The following ELMOD1 variants were observed in gnomAD, a reference collection of about 807,000 sequenced individuals.
The protein encoded by ELMOD1 is ELMO domain-containing protein 1.
A neutral mutation model predicts 46.7 loss-of-function variants in ELMOD1; 21 were observed. That is an observed-to-expected ratio of 0.45 (90% CI 0.32 to 0.65). ELMOD1 has a LOEUF of 0.65. Ranked by LOEUF, ELMOD1 falls within the 30% of genes least tolerant of loss-of-function variation. The pLI is 0.04. For synonymous variants in ELMOD1, 122 were observed against 138.2 expected, an observed-to-expected ratio of 0.88 and a Z score of 0.82; for missense variants, 348 against 407.8, an observed-to-expected ratio of 0.85 and a Z score of 1.26.
intron 2 of ELMOD1, among the ~76,000 whole-genome samples, chr11:107,628,132 A>T (rs1866073919): frequency 6.6e-6 from 1 of 151,864 alleles, no homozygotes; most frequent in South Asian, 2.1e-4. Context: ...AAAATGAAAA[A>T]CATTTTCCAA....
chr11:107,665,364 C>G lies in ELMOD1; in HGVS notation c.*167C>G. The G allele has an allele frequency of 1.5e-6, 1 of 684,584 alleles. No homozygotes were observed. The highest frequency in any genetic ancestry group is 2.4e-6 in the Non-Finnish European group (1 of 415,350). The allele number at this position is 684,584 out of a possible 1,614,324, so 42.4% of individuals were successfully genotyped here. A position where few individuals can be genotyped will look rare whatever the true frequency, so the allele number is the denominator to read the frequency against. On this transcript the variant is annotated 3_prime_UTR_variant, in exon 12 of 12. Coordinates refer to ENST00000265840, the MANE Select transcript of ELMOD1 (RefSeq NM_018712.4). ...ATAATTCCGAGATCCCCAGAGACCA[C>G]TGTTTCTGGAGTATCTGTCATCCAG...
At chr11:107,612,222 A>G (rs1865792530) in intron 1 of ELMOD1, among the ~76,000 whole-genome samples, 1 of 152,188 alleles carries the variant, frequency 6.6e-6, no homozygotes, top group Non-Finnish European at 1.5e-5. Context: ...CAACATGGAT[A>G]CAGCTGGATG....
intron 9 of ELMOD1, among the ~76,000 whole-genome samples, chr11:107,652,332 A>G (rs1217001612): frequency 6.6e-6 from 1 of 152,210 alleles, no homozygotes; most frequent in Non-Finnish European, 1.5e-5. Flanking sequence ...GTAAACATCC[A>G]TTGGTTGAGT....
intron 2 of ELMOD1, among the ~76,000 whole-genome samples, chr11:107,629,641 G>A (rs188437630): frequency 1.3e-5 from 2 of 152,262 alleles, no homozygotes; most frequent in East Asian, 1.9e-4. Flanking sequence ...CATTTGTTGC[G>A]GTATTGCTGG....
intron 1 of ELMOD1, among the ~76,000 whole-genome samples, chr11:107,613,398 G>A (rs1865811448): frequency 6.6e-6 from 1 of 152,144 alleles, no homozygotes; most frequent in African/African-American, 2.4e-5. Flanking sequence ...GCTAGTGGTA[G>A]ATCCTAGACA....
chr11:107,604,287 G>A (rs992990452), intron 1 of ELMOD1, among the ~76,000 whole-genome samples: 2 of 152,164 alleles, frequency 1.3e-5, no homozygotes, highest in Non-Finnish European at 2.9e-5. Flanking sequence ...AAGAGTGTTG[G>A]GAGGCTCTTC....
chr11:107,649,556 A>G (rs1866489916), intron 7 of ELMOD1, among the ~76,000 whole-genome samples: 1 of 152,202 alleles, frequency 6.6e-6, no homozygotes, highest in East Asian at 1.9e-4. Flanking sequence ...TAAAAGAGGA[A>G]ACCCAGATAA....
At position 107,654,238 on chromosome 11, in the gene ELMOD1, C is replaced by T. The variant is rs1464477686; in HGVS notation, c.698+16C>T. ...AGGCAATTGGGTGAGTATGGGATCT[C>T]ACATGGAAAGATGGTCCGTCTGAAA... On this transcript the variant is annotated intron_variant, in intron 10 of 11. Transcript: ENST00000265840. The T allele has an allele frequency of 1.9e-6, 3 of 1,583,936 alleles. No homozygotes were observed. The highest frequency in any genetic ancestry group is 1.8e-5 in the Admixed American group (1 of 55,704).
intron 1 of ELMOD1, among the ~76,000 whole-genome samples, chr11:107,611,501 C>G (rs1164464061): frequency 6.6e-6 from 1 of 151,930 alleles, no homozygotes; most frequent in African/African-American, 2.4e-5. Flanking sequence ...GAGATCGAGA[C>G]CATCCTGGCT....
chr11:107,650,511 G>A lies in ELMOD1; in HGVS notation c.623+108G>A, dbSNP rs1591133978. 4.7e-6 allele frequency: 4 copies of A among 852,540 alleles called. No homozygotes were observed. The East Asian group carries it at 1.1e-4, about 23-fold the overall frequency. The allele number at this position is 852,540 out of a possible 1,614,324, so 52.8% of individuals were successfully genotyped here. A position where few individuals can be genotyped will look rare whatever the true frequency, so the allele number is the denominator to read the frequency against. ...GATTCTCAGGAGAGTGAGGCTCAAA[G>A]CTTTTTCAAACAAGCCCTTGTAATA... On this transcript the variant is annotated intron_variant, in intron 8 of 11. Coordinates refer to ENST00000265840, the MANE Select transcript of ELMOD1 (RefSeq NM_018712.4).
At chr11:107,626,330 T>A (rs1866039861) in intron 2 of ELMOD1, among the ~76,000 whole-genome samples, 2 of 145,246 alleles carry the variant, frequency 1.4e-5, no homozygotes, top group African/African-American at 5.2e-5. Flanking sequence ...GTGGGTTCTG[T>A]CTCACAGGTA....
chr11:107,596,731 G>A (rs897141023), intron 1 of ELMOD1, among the ~76,000 whole-genome samples: 13 of 151,952 alleles, frequency 8.6e-5, no homozygotes, highest in African/African-American at 3.1e-4. Flanking sequence ...TCTGTCTCAT[G>A]GATAATGTAT....
At chr11:107,648,431 A>G (rs903043751) in intron 7 of ELMOD1, among the ~76,000 whole-genome samples, 4 of 152,236 alleles carry the variant, frequency 2.6e-5, no homozygotes, top group Non-Finnish European at 4.4e-5. Flanking sequence ...TTGACATCAC[A>G]GCGGGAGGCC....
intron 2 of ELMOD1, among the ~76,000 whole-genome samples, chr11:107,622,657 A>G (rs1271380562): frequency 6.6e-6 from 1 of 152,240 alleles, no homozygotes; most frequent in African/African-American, 2.4e-5. Context: ...CAAGTTAGTC[A>G]AACTTTTTAT....
intron 1 of ELMOD1, chr11:107,592,007 A>G (rs1293866273): frequency 2.0e-6 from 1 of 508,548 alleles, no homozygotes; most frequent in Admixed American, 2.0e-5. Context: ...GGCAGGTAGA[A>G]TTGGACAGCC....
chr11:107,644,997 C>T (rs1445779404), intron 6 of ELMOD1, among the ~76,000 whole-genome samples: 2 of 151,206 alleles, frequency 1.3e-5, no homozygotes, highest in Non-Finnish European at 2.9e-5. Context: ...GATCTCGGCT[C>T]ACTGCAAGCT....
In ELMOD1 at chr11:107,635,779, C is replaced by G; in HGVS notation, c.420+14C>G. ...ATGCTTTTGAAGGTTAGTGCTTGAA[C>G]ACATTTCGGTTCTTCCTCTAAGTCA... On this transcript the variant is annotated intron_variant, in intron 6 of 11. Coordinates refer to ENST00000265840, the MANE Select transcript of ELMOD1 (RefSeq NM_018712.4). 1 of 1,608,076 alleles carries G rather than the reference C, an allele frequency of 6.2e-7. No individual in the cohort carries two copies. The highest frequency in any genetic ancestry group is 8.5e-7 in the Non-Finnish European group (1 of 1,176,658).
intron 6 of ELMOD1, among the ~76,000 whole-genome samples, chr11:107,640,185 T>C (rs1866297613): frequency 6.6e-6 from 1 of 152,116 alleles, no homozygotes; most frequent in Non-Finnish European, 1.5e-5. Flanking sequence ...TTTTTTTAAA[T>C]AGGAAATATA....
chr11:107,597,579 C>G (rs1865514809), intron 1 of ELMOD1, among the ~76,000 whole-genome samples: 1 of 152,180 alleles, frequency 6.6e-6, no homozygotes, highest in Non-Finnish European at 1.5e-5. Context: ...CCTCCTAAAT[C>G]TTATCCTGCA....
Sources: allele counts gnomAD v4.1 joint callset (sites outside exome capture counted in the v4.1 genomes callset), GRCh38; gene constraint gnomAD v4.1.1; transcripts MANE v1.5; gene names NCBI Gene and HGNC (gene_info 2026-07-23, HGNC 2026-07-21).